VPS13A: variants seen among roughly 807,000 people sequenced by gnomAD.
VPS13A encodes intermembrane lipid transfer protein VPS13A.
VPS13A carries 264 observed loss-of-function variants against 390.9 expected under a neutral mutation model. The observed-to-expected ratio is 0.68, with a 90% CI of 0.61 to 0.75. The LOEUF (loss-of-function observed/expected upper bound fraction) is 0.75, where lower values mean the gene tolerates loss of function less well. VPS13A is among the 30% of genes least tolerant of loss of function. The pLI is 0.00. For missense variants in VPS13A, 3,409 were observed against 3,733.9 expected (o/e 0.91, Z 2.27); for synonymous variants, 1,231 against 1,227.1 (o/e 1.00, Z -0.07).
In VPS13A at chr9:77,302,976, G is replaced by C; in HGVS notation, c.3874G>C (p.Glu1292Gln). The change falls in exon 34 of 72, where the codon GAG (glutamate) becomes CAG (glutamine). Residue 1292 changes from glutamate (E) to glutamine (Q), a missense_variant. Coordinates refer to ENST00000360280, the MANE Select transcript of VPS13A (RefSeq NM_033305.3). ...GGATCTACTCCTGCCATTAAATCTT[G>C]AGGTTGTGGTTGAACGAAATTTATG... is the stretch of plus-strand genomic sequence containing the variant. ...VLDLLLPLNL[E>Q]VVVERNLCWE... 1 of 1,613,974 alleles carries C rather than the reference G, an allele frequency of 6.2e-7. No individual in the cohort carries two copies. Among genetic ancestry groups the C allele is most frequent in the Non-Finnish European group, 8.5e-7 (1 of 1,179,952 alleles).
At chr9:77,216,915 A>G (rs1232556466) in intron 10 of VPS13A, among the ~76,000 whole-genome samples, 1 of 152,162 alleles carries the variant, frequency 6.6e-6, no homozygotes, top group Non-Finnish European at 1.5e-5. Context: ...TGGTCTTTCC[A>G]TGTTCATCTG....
chr9:77,233,736 T>G (rs947987945), intron 17 of VPS13A, among the ~76,000 whole-genome samples: 2 of 152,204 alleles, frequency 1.3e-5, no homozygotes, highest in African/African-American at 4.8e-5. Context: ...TCTAATTTGA[T>G]TCCATTGTGG....
chr9:77,398,625 G>A (rs1380934390), intron 68 of VPS13A, among the ~76,000 whole-genome samples: 1 of 152,108 alleles, frequency 6.6e-6, no homozygotes, highest in East Asian at 1.9e-4. Context: ...CGTGACATTT[G>A]TAGACTTTTT....
chr9:77,412,262 G>A (rs1033696984), intron 71 of VPS13A, among the ~76,000 whole-genome samples: 1 of 152,186 alleles, frequency 6.6e-6, no homozygotes, highest in African/African-American at 2.4e-5. Context: ...GCATCATCCT[G>A]ATACCAAAGC....
chr9:77,394,312 C>T (rs1834033864), intron 68 of VPS13A, among the ~76,000 whole-genome samples: 1 of 152,058 alleles, frequency 6.6e-6, no homozygotes, highest in Admixed American at 6.5e-5. Context: ...AGCGATCCGC[C>T]CACCATGGCC....
At chr9:77,227,279 T>G (rs1823571225) in intron 15 of VPS13A, 112 bp from the exon 16 acceptor site, 1 of 787,704 alleles carries the variant, frequency 1.3e-6, no homozygotes, top group Non-Finnish European at 2.1e-6. Flanking sequence ...TTATAATTTC[T>G]TAAGAGCGTT....
intron 1 of VPS13A, among the ~76,000 whole-genome samples, chr9:77,191,588 C>T (rs939961990): frequency 6.6e-5 from 10 of 152,038 alleles, no homozygotes; most frequent in African/African-American, 2.2e-4. Context: ...CATGAGCCAC[C>T]GTGCCTGGCC....
chr9:77,295,841 A>G lies in VPS13A; in HGVS notation c.3807A>G (p.Leu1269=), dbSNP rs1827962073. 1 of 1,613,550 alleles carries G rather than the reference A, an allele frequency of 6.2e-7. No individual in the cohort carries two copies. The highest frequency in any genetic ancestry group is 8.5e-7 in the Non-Finnish European group (1 of 1,179,860). ...CAATAAAGCTGAGTGAAATGCGACT[A>G]TACAGGTAAGCTTTTCACAAGTATA... ...LITIKLSEMR[L]YRSRFINDAY... Residue 1269 remains leucine (L), a synonymous_variant, in exon 33 of 72, where the codon CTA becomes CTG. Transcript: ENST00000360280.
chr9:77,283,708 G>C, intron 31 of VPS13A, 58 bp downstream of exon 31: 1 of 1,310,756 alleles, frequency 7.6e-7, no homozygotes, highest in African/African-American at 1.5e-5. Flanking sequence ...TCCTTTAAGA[G>C]TGGTCATAGG....
At chr9:77,248,982 T>C (rs1824995330) in intron 20 of VPS13A, among the ~76,000 whole-genome samples, 1 of 152,230 alleles carries the variant, frequency 6.6e-6, no homozygotes, top group Non-Finnish European at 1.5e-5. Flanking sequence ...TCTGCTGGCA[T>C]TGACCTCCCA....
intron 53 of VPS13A, among the ~76,000 whole-genome samples, 182 bp downstream of exon 53, chr9:77,351,628 TG>T (rs1831472520): frequency 6.6e-6 from 1 of 152,144 alleles, no homozygotes; most frequent in African/African-American, 2.4e-5. Flanking sequence ...AAATTCACTT[TG>T]GGAGGCCAAG....
rs756423455 is a variant in VPS13A, at chr9:77,220,059, C to A, written c.860C>A (p.Ala287Glu). The A allele has an allele frequency of 6.2e-7, 1 of 1,610,310 alleles. No individual in the cohort carries two copies. Among genetic ancestry groups the A allele is most frequent in the Non-Finnish European group, 8.5e-7 (1 of 1,177,170 alleles). ...TTGGAAATTGAGTTACATAACATAG[C>A]AATTGAATTTAATAAACCACAGGTG... ...INLEIELHNI[A>E]IEFNKPQYFS... is the part of the protein sequence containing the mutation. The change falls in exon 11 of 72, where the codon GCA (alanine) becomes GAA (glutamate). Residue 287 changes from alanine to glutamate, a missense_variant. This residue lies in a region of VPS13A where 2,717 missense variants were observed against 2,917.4 expected (regional missense o/e 0.93). Coordinates refer to ENST00000360280, the MANE Select transcript of VPS13A (RefSeq NM_033305.3).
intron 23 of VPS13A, among the ~76,000 whole-genome samples, chr9:77,272,069 C>T (rs552464807): frequency 3.9e-5 from 6 of 152,228 alleles, no homozygotes; most frequent in East Asian, 1.9e-4. Flanking sequence ...GCTGCTGCTG[C>T]TTCCAAAATG....
At chr9:77,266,229 GA>G (rs1826027725) in intron 23 of VPS13A, among the ~76,000 whole-genome samples, 1 of 152,186 alleles carries the variant, frequency 6.6e-6, no homozygotes, top group South Asian at 2.1e-4. Flanking sequence ...ATCAATTTTA[GA>G]ATAAATGTGA....
chr9:77,272,706 C>T (rs1016305849), intron 23 of VPS13A, among the ~76,000 whole-genome samples: 4 of 151,998 alleles, frequency 2.6e-5, no homozygotes, highest in African/African-American at 9.7e-5. Flanking sequence ...AGGTAGGGAA[C>T]GTGACAAGGA....
At chr9:77,414,330 G>A (rs1222790127) in intron 71 of VPS13A, among the ~76,000 whole-genome samples, 8 of 152,074 alleles carry the variant, frequency 5.3e-5, no homozygotes, top group Non-Finnish European at 1.2e-4. Context: ...CAAAGACTTG[G>A]AACCAACCCA....
intron 68 of VPS13A, among the ~76,000 whole-genome samples, chr9:77,397,699 TTA>T (rs1834175532): frequency 6.6e-6 from 1 of 152,186 alleles, no homozygotes; most frequent in African/African-American, 2.4e-5. Context: ...TTGAATTTAT[TTA>T]TGTCTAATAA....
Position 77,318,571 on chromosome 9 carries a change from C to T in VPS13A, c.5293C>T (p.His1765Tyr), listed in dbSNP as rs750355106. Residue 1765 changes from histidine (H) to tyrosine (Y), a missense_variant, in exon 41 of 72, where the codon CAC becomes TAC. Coordinates refer to ENST00000360280, the MANE Select transcript of VPS13A (RefSeq NM_033305.3). Reference sequence around the variant, plus strand: ...AAACTGGAGTTCCCTAATAAATCTGCACTGTCAGCTTGAGCTAGAAGTAAG... The same window carrying T: ...AAACTGGAGTTCCCTAATAAATCTGTACTGTCAGCTTGAGCTAGAAGTAAG... The part of the protein sequence containing the change: ...GKNWSSLINL[H>Y]CQLELEVHYY... 9.3e-6 allele frequency: 15 copies of T among 1,613,536 alleles called. No homozygotes were observed. Among genetic ancestry groups the T allele is most frequent in the Non-Finnish European group, 1.3e-5 (15 of 1,179,754 alleles).
chr9:77,286,365 C>A (rs965175605), intron 31 of VPS13A, among the ~76,000 whole-genome samples: 1 of 152,144 alleles, frequency 6.6e-6, no homozygotes, highest in Non-Finnish European at 1.5e-5. Context: ...AGGGACGTTT[C>A]TTCATTTATT....
Sources: allele counts gnomAD v4.1 joint callset (sites outside exome capture counted in the v4.1 genomes callset), GRCh38; gene constraint gnomAD v4.1.1; regional missense constraint gnomAD v4.1.1; transcripts MANE v1.5; gene names NCBI Gene and HGNC (gene_info 2026-07-23, HGNC 2026-07-21).